The following PCDH15 variants were observed in gnomAD, a reference collection of about 807,000 sequenced individuals.
PCDH15 encodes protocadherin related 15, also known as protocadherin-15.
A neutral mutation model predicts 178.5 loss-of-function variants in PCDH15; 129 were observed. The observed-to-expected ratio is 0.72, with a 90% CI of 0.63 to 0.84. PCDH15 has a LOEUF of 0.84. Ranked by LOEUF, PCDH15 falls within the 40% of genes least tolerant of loss-of-function variation. The pLI, the probability that PCDH15 is intolerant of heterozygous loss-of-function variation, is 0.00. For missense variants in PCDH15, 2,230 were observed against 2,099.9 expected, an observed-to-expected ratio of 1.06 and a Z score of -1.21; for synonymous variants, 800 against 732.0, an observed-to-expected ratio of 1.09 and a Z score of -1.50.
At chr10:54,874,843 T>C (rs1954110421) in intron 3 of PCDH15, among the ~76,000 whole-genome samples, 1 of 152,174 alleles carries the variant, frequency 6.6e-6, no homozygotes, top group Non-Finnish European at 1.5e-5. Context: ...CTTTAATTTA[T>C]TCATATGATA....
intron 1 of PCDH15, among the ~76,000 whole-genome samples, chr10:54,713,345 A>T (rs960843223): frequency 6.6e-6 from 1 of 152,090 alleles, no homozygotes; most frequent in African/African-American, 2.4e-5. Context: ...GAGTCATTGT[A>T]CAACTTAATA....
chr10:53,840,169 A>T, intron 29 of PCDH15, 151 bp downstream of exon 29: 1 of 905,518 alleles, frequency 1.1e-6, no homozygotes, highest in South Asian at 1.5e-5. Context: ...AAGGCATGAG[A>T]ATCCTAGGTA....
At chr10:55,413,008 A>G (rs916834209) in intron 2 of PCDH15, among the ~76,000 whole-genome samples, 3 of 151,768 alleles carry the variant, frequency 2.0e-5, no homozygotes, top group African/African-American at 7.3e-5. Flanking sequence ...TTCATACATT[A>G]TTATAAATGA....
At chr10:55,205,744 G>A (rs567633410) in intron 1 of PCDH15, among the ~76,000 whole-genome samples, 3 of 151,966 alleles carry the variant, frequency 2.0e-5, no homozygotes, top group South Asian at 4.2e-4. Context: ...ATGTATTTTG[G>A]TGTTTTTACC....
intron 2 of PCDH15, among the ~76,000 whole-genome samples, chr10:55,586,227 T>A (rs755723000): frequency 6.6e-6 from 1 of 152,096 alleles, no homozygotes; most frequent in East Asian, 1.9e-4. Flanking sequence ...GACTCATAAG[T>A]GGCAAAGCTG....
intron 5 of PCDH15, among the ~76,000 whole-genome samples, chr10:54,363,370 T>C (rs1322591777): frequency 6.6e-6 from 1 of 152,160 alleles, no homozygotes; most frequent in African/African-American, 2.4e-5. Context: ...TTATTATGTG[T>C]CTTCATTGAA....
intron 2 of PCDH15, among the ~76,000 whole-genome samples, chr10:55,382,737 C>T (rs1336932069): frequency 6.6e-6 from 1 of 152,272 alleles, no homozygotes; most frequent in African/African-American, 2.4e-5. Flanking sequence ...TCATCTTGGC[C>T]TTGATGATGA....
chr10:55,161,380 C>T lies in PCDH15; in HGVS notation c.-80+5196G>A, dbSNP rs1345830302. On this transcript the variant is annotated intron_variant, in intron 2 of 5. Transcript: ENST00000458638. ...TAAAACTACCTCTGCATAATATTGG[C>T]GGGGGTTGGAAAATTCCAGCACACA... Among the ~76,000 whole-genome samples the T allele has an allele frequency of 2.0e-5, 3 of 152,004 alleles. No individual in the cohort carries two copies. The East Asian group carries it at 5.8e-4, about 29-fold the overall frequency.
At chr10:55,509,749 A>G (rs1167456500) in intron 2 of PCDH15, among the ~76,000 whole-genome samples, 1 of 151,872 alleles carries the variant, frequency 6.6e-6, no homozygotes, top group African/African-American at 2.4e-5. Flanking sequence ...TCTACATTTA[A>G]TTTTAAACTT....
At chr10:54,574,256 T>A (rs1317292592) in intron 2 of PCDH15, among the ~76,000 whole-genome samples, 1 of 151,440 alleles carries the variant, frequency 6.6e-6, no homozygotes. Flanking sequence ...CTAGCCAGTT[T>A]TCCCAGCACC....
chr10:54,615,651 A>T (rs1364922207), intron 2 of PCDH15, among the ~76,000 whole-genome samples: 1 of 151,960 alleles, frequency 6.6e-6, no homozygotes, highest in Non-Finnish European at 1.5e-5. Flanking sequence ...CTTTCATTCT[A>T]GTGAGAGAGA....
At chr10:55,314,182 A>G (rs960548387) in intron 1 of PCDH15, among the ~76,000 whole-genome samples, 2 of 135,492 alleles carry the variant, frequency 1.5e-5, no homozygotes, top group African/African-American at 3.1e-5. Context: ...TTATATATAC[A>G]TTATATATGT....
chr10:54,878,394 TA>T (rs1434565302), intron 3 of PCDH15, among the ~76,000 whole-genome samples: 1 of 152,154 alleles, frequency 6.6e-6, no homozygotes, highest in African/African-American at 2.4e-5. Context: ...TATTTACAAA[TA>T]CAAATATGCA....
intron 2 of PCDH15, among the ~76,000 whole-genome samples, chr10:55,011,857 G>A (rs1465419998): frequency 5.9e-5 from 9 of 152,062 alleles, no homozygotes; most frequent in Non-Finnish European, 1.3e-4. Context: ...ATGGCATGAT[G>A]AGTACTTGAG....
At position 54,546,897 on chromosome 10, in the gene PCDH15, A is replaced by C. The variant is rs1342788231; in HGVS notation, c.92-19020T>G. ...TATGGCACTGATGGTGATATGACAG[A>C]GAGAATCTCAATGTGTCAATGACTT... is the stretch of plus-strand genomic sequence containing the variant. On this transcript the variant is annotated intron_variant, in intron 2 of 37. Transcript: ENST00000644397. Among the ~76,000 whole-genome samples, 43 of 152,192 alleles carry C rather than the reference A, an allele frequency of 2.8e-4. 1 individual carries two copies. The highest frequency in any genetic ancestry group is 2.9e-5 in the Non-Finnish European group (2 of 68,032).
chr10:53,875,517 T>C (rs2080168866), intron 26 of PCDH15, among the ~76,000 whole-genome samples: 1 of 152,014 alleles, frequency 6.6e-6, no homozygotes, highest in African/African-American at 2.4e-5. Context: ...AATCAAACAT[T>C]TATGCTCAGT....
intron 16 of PCDH15, among the ~76,000 whole-genome samples, chr10:54,089,135 T>C (rs975358467): frequency 6.6e-6 from 1 of 152,210 alleles, no homozygotes; most frequent in African/African-American, 2.4e-5. Flanking sequence ...AACGTGAAAT[T>C]TCAGGTATTT....
chr10:55,047,891 T>G (rs1039503213), intron 2 of PCDH15, among the ~76,000 whole-genome samples: 1 of 151,836 alleles, frequency 6.6e-6, no homozygotes, highest in Non-Finnish European at 1.5e-5. Context: ...GAAATAAAAA[T>G]GTGGACACAT....
chr10:54,150,185 C>G (rs1298440808), intron 14 of PCDH15, among the ~76,000 whole-genome samples: 1 of 152,160 alleles, frequency 6.6e-6, no homozygotes, highest in Admixed American at 6.6e-5. Flanking sequence ...CTGTCGATGA[C>G]AGCAAGGAGG....
Sources: allele counts gnomAD v4.1 joint callset (sites outside exome capture counted in the v4.1 genomes callset), GRCh38; gene constraint gnomAD v4.1.1; transcripts MANE v1.5; gene names NCBI Gene and HGNC (gene_info 2026-07-23, HGNC 2026-07-21).